The following MARCHF4 variants were observed in gnomAD, a reference collection of about 807,000 sequenced individuals.
MARCHF4 encodes the protein E3 ubiquitin-protein ligase MARCHF4.
Under a neutral mutation model 43.9 loss-of-function variants are expected in MARCHF4, and 14 were observed. That is an observed-to-expected ratio of 0.32 (90% confidence interval 0.21 to 0.50). The LOEUF is 0.50. MARCHF4 is among the 20% of genes least tolerant of loss of function. The pLI is 0.98. For synonymous variants in MARCHF4, 226 were observed against 213.3 expected (o/e 1.06, Z -0.52); for missense variants, 468 against 536.7 (o/e 0.87, Z 1.27).
At chr2:216,349,600 GA>G (rs1692367230) in intron 1 of MARCHF4, among the ~76,000 whole-genome samples, 1 of 152,190 alleles carries the variant, frequency 6.6e-6, no homozygotes, top group Non-Finnish European at 1.5e-5. Flanking sequence ...GGTGACATGT[GA>G]CAGGCTAGGG....
intron 3 of MARCHF4, among the ~76,000 whole-genome samples, chr2:216,266,310 G>A (rs376348641): frequency 3.3e-5 from 5 of 152,062 alleles, no homozygotes; most frequent in Admixed American, 6.5e-5. Flanking sequence ...TGAGTCCTGC[G>A]TGCCAATACC....
At chr2:216,270,968 T>G (rs1194838614) in intron 3 of MARCHF4, among the ~76,000 whole-genome samples, 1 of 152,226 alleles carries the variant, frequency 6.6e-6, no homozygotes, top group Non-Finnish European at 1.5e-5. Flanking sequence ...TGTCCACCTC[T>G]GACCCATTCT....
chr2:216,301,066 C>T (rs182247054), intron 1 of MARCHF4, among the ~76,000 whole-genome samples: 229 of 152,260 alleles, frequency 1.5e-3, no homozygotes, highest in Middle Eastern at 0.014. Flanking sequence ...TTGCAGCCAG[C>T]GCATCCTGCT....
At chr2:216,278,371 C>T (rs1330841175) in intron 2 of MARCHF4, among the ~76,000 whole-genome samples, 1 of 152,146 alleles carries the variant, frequency 6.6e-6, no homozygotes, top group African/African-American at 2.4e-5. Context: ...CTACAGGCAC[C>T]CAACACCATG....
rs1231429342 is a variant in MARCHF4, at chr2:216,277,655, C to T, written c.865+17G>A. 2 of 1,577,110 alleles carry T rather than the reference C, an allele frequency of 1.3e-6. No individual in the cohort carries two copies. Among genetic ancestry groups the T allele is most frequent in the African/African-American group, 1.3e-5 (1 of 74,348 alleles). The stretch of plus-strand genomic sequence containing the variant: ...CATGGTTCCCCACTTCCCATGGAGA[C>T]AAACCCCCAGACCCACCTATGCACA... On this transcript the variant is annotated intron_variant, in intron 3 of 3. Transcript: ENST00000273067.
intron 1 of MARCHF4, among the ~76,000 whole-genome samples, chr2:216,337,659 C>A (rs987272621): frequency 6.6e-6 from 1 of 152,188 alleles, no homozygotes; most frequent in Non-Finnish European, 1.5e-5. Context: ...AGCCACTGTG[C>A]CTCTCTCCAA....
intron 1 of MARCHF4, among the ~76,000 whole-genome samples, chr2:216,297,029 C>T (rs777732609): frequency 2.0e-5 from 3 of 152,136 alleles, no homozygotes; most frequent in Non-Finnish European, 2.9e-5. Context: ...CTCAAGGAAA[C>T]GTACTATTCC....
chr2:216,344,272 CAT>C (rs763613699), intron 1 of MARCHF4, among the ~76,000 whole-genome samples: 10 of 146,482 alleles, frequency 6.8e-5, no homozygotes, highest in Admixed American at 3.4e-4. Flanking sequence ...AACAAAAAAA[CAT>C]GTGACAATAC....
At chr2:216,335,603 G>A (rs1692144569) in intron 1 of MARCHF4, among the ~76,000 whole-genome samples, 3 of 152,112 alleles carry the variant, frequency 2.0e-5, no homozygotes, top group Non-Finnish European at 2.9e-5. Flanking sequence ...TGGGATCTGA[G>A]GACTTAGTAG....
intron 1 of MARCHF4, among the ~76,000 whole-genome samples, chr2:216,358,723 G>GA (rs1341027254): frequency 7.2e-5 from 11 of 152,038 alleles, no homozygotes; most frequent in African/African-American, 2.7e-4. Context: ...CCCATCTCTG[G>GA]AAAAAAAGCC....
chr2:216,331,192 C>T (rs545397192), intron 1 of MARCHF4, among the ~76,000 whole-genome samples: 16 of 152,034 alleles, frequency 1.1e-4, no homozygotes, highest in African/African-American at 3.1e-4. Context: ...CACCGCAAAC[C>T]TTTCAGACAC....
Position 216,360,783 on chromosome 2 carries a change from G to C in MARCHF4, c.516+8962C>G, listed in dbSNP as rs1190303136. ...TGGGTGATAATGATGTGTCAGTGTA[G>C]GGTCAGTTGTAACAAATGTTCCACC... On this transcript the variant is annotated intron_variant, in intron 1 of 3. Transcript: ENST00000273067. 2.6e-5 allele frequency among the ~76,000 whole-genome samples: 4 copies of C among 152,290 alleles called. No homozygotes were observed. The East Asian group carries it at 7.7e-4, about 29-fold the overall frequency.
At position 216,342,857 on chromosome 2, in the gene MARCHF4, G is replaced by A. The variant is rs149738714; in HGVS notation, c.516+26888C>T. ...AGTCTAGTTCCTTCCCAGGCCCTGG[G>A]TGGGGCCACCAGCTGGTAGGTGGGC... On this transcript the variant is annotated intron_variant, in intron 1 of 3. Transcript: ENST00000273067. Among the ~76,000 whole-genome samples the A allele has an allele frequency of 7.0e-4, 106 of 152,306 alleles. 1 individual carries two copies. Among genetic ancestry groups the A allele is most frequent in the African/African-American group, 2.4e-3 (101 of 41,564 alleles).
At chr2:216,289,228 T>TCCC (rs1454386132) in intron 1 of MARCHF4, among the ~76,000 whole-genome samples, 12 of 117,266 alleles carry the variant, frequency 1.0e-4, no homozygotes, top group African/African-American at 2.4e-4. Context: ...TTTGTTTTCT[T>TCCC]CCCCACCCGC....
rs561789756 is a variant in MARCHF4 at position 216,372,345 on chromosome 2, G to C, written c.-2085C>G. Among the ~76,000 whole-genome samples the C allele has an allele frequency of 6.6e-6, 1 of 152,176 alleles. No homozygotes were observed. The highest frequency in any genetic ancestry group is 1.9e-4 in the East Asian group (1 of 5,170). On this transcript the variant is annotated 5_prime_UTR_variant, in exon 1 of 4. Coordinates refer to ENST00000273067, the MANE Select transcript of MARCHF4 (RefSeq NM_020814.3). Reference sequence around the variant, plus strand: ...CGCTGCTGCATTCAGCACCCCGGGCGAGTGGACAGCTCCCACCCAGACCCC... The same window carrying C: ...CGCTGCTGCATTCAGCACCCCGGGCCAGTGGACAGCTCCCACCCAGACCCC...
intron 1 of MARCHF4, among the ~76,000 whole-genome samples, chr2:216,346,567 C>A (rs1041888590): frequency 6.6e-6 from 1 of 151,898 alleles, no homozygotes; most frequent in East Asian, 1.9e-4. Context: ...TCTGCTGAAG[C>A]TTATAGGAGG....
At chr2:216,331,019 A>G (rs1692074710) in intron 1 of MARCHF4, among the ~76,000 whole-genome samples, 2 of 152,088 alleles carry the variant, frequency 1.3e-5, no homozygotes, top group Admixed American at 1.3e-4. Flanking sequence ...ACAAAACAAC[A>G]AAAAAAGAAA....
chr2:216,259,357 G>T lies in MARCHF4; in HGVS notation c.1188C>A (p.Pro396=). Residue 396 remains proline, a synonymous_variant, in exon 4 of 4, where the codon CCC becomes CCA. Transcript: ENST00000273067. ...SHLRPHEQRS[P]PGSSRELVMR... ...TGACCAGCTCTCGGCTGCTGCCTGGGGGACTTCGCTGTTCATGAGGTCTCA... is the reference window on the plus strand; with the variant it reads ...TGACCAGCTCTCGGCTGCTGCCTGGTGGACTTCGCTGTTCATGAGGTCTCA... 1 of 1,586,976 alleles carries T rather than the reference G, an allele frequency of 6.3e-7. No individual in the cohort carries two copies. Among genetic ancestry groups the T allele is most frequent in the Non-Finnish European group, 8.6e-7 (1 of 1,163,462 alleles).
intron 1 of MARCHF4, among the ~76,000 whole-genome samples, chr2:216,322,851 A>C (rs191723863): frequency 6.6e-6 from 1 of 152,276 alleles, no homozygotes; most frequent in Admixed American, 6.5e-5. Flanking sequence ...CTCAAGATAC[A>C]CAGGTGACCC....
Sources: allele counts gnomAD v4.1 joint callset (sites outside exome capture counted in the v4.1 genomes callset), GRCh38; gene constraint gnomAD v4.1.1; transcripts MANE v1.5; gene names NCBI Gene and HGNC (gene_info 2026-07-23, HGNC 2026-07-21).